The following TRAM2 variants were observed in gnomAD, a reference collection of about 807,000 sequenced individuals.
TRAM2 encodes translocating chain-associated membrane protein 2.
TRAM2 carries 12 observed loss-of-function variants against 51.0 expected under a neutral mutation model. The ratio of observed to expected loss-of-function variants is 0.24; its 90% CI spans 0.15 to 0.38. The LOEUF is 0.38. TRAM2 is among the 10% of genes least tolerant of loss of function. TRAM2 has a pLI of 1.00. For missense variants in TRAM2, 361 were observed against 462.0 expected, an observed-to-expected ratio of 0.78 and a Z score of 2.00; for synonymous variants, 175 against 179.4, an observed-to-expected ratio of 0.98 and a Z score of 0.20.
intron 1 of TRAM2, among the ~76,000 whole-genome samples, chr6:52,552,816 T>A (rs1228616823): frequency 6.6e-6 from 1 of 152,228 alleles, no homozygotes; most frequent in South Asian, 2.1e-4. Flanking sequence ...CCGTTCAACA[T>A]GCCAAACCTG....
Position 52,508,223 on chromosome 6 carries a change from T to G in TRAM2, c.555+11A>C. Reference sequence around the variant, plus strand: ...AATGGCCTCCAAGAAGGGAGAGAAGTGAGCACTCACCTTCCGTACCTTCTG... The same window carrying G: ...AATGGCCTCCAAGAAGGGAGAGAAGGGAGCACTCACCTTCCGTACCTTCTG... On this transcript the variant is annotated intron_variant, in intron 6 of 10. Coordinates refer to ENST00000182527, the MANE Select transcript of TRAM2 (RefSeq NM_012288.4). 5 of 1,613,360 alleles carry G rather than the reference T, an allele frequency of 3.1e-6. No individual in the cohort carries two copies. The highest frequency in any genetic ancestry group is 4.2e-6 in the Non-Finnish European group (5 of 1,179,600).
At chr6:52,521,135 C>G (rs1562478790) in intron 2 of TRAM2, among the ~76,000 whole-genome samples, 1 of 151,766 alleles carries the variant, frequency 6.6e-6, no homozygotes, top group Non-Finnish European at 1.5e-5. Flanking sequence ...GTCTTGAACT[C>G]TTGACCTAAG....
rs545624089 is a variant in TRAM2 at position 52,519,737 on chromosome 6, C to T, written c.185-3000G>A. Among the ~76,000 whole-genome samples, 3 of 151,778 alleles carry T rather than the reference C, an allele frequency of 2.0e-5. No homozygotes were observed. The South Asian group carries it at 6.2e-4, about 32-fold the overall frequency. Reference sequence around the variant, plus strand: ...ACAACAGCCAAAAAGATGGAAGCGACGCAGGTGTCCATGGATTGATGAATG... The same window carrying T: ...ACAACAGCCAAAAAGATGGAAGCGATGCAGGTGTCCATGGATTGATGAATG... On this transcript the variant is annotated intron_variant, in intron 2 of 10. Transcript: ENST00000182527.
rs776475586 is a variant in TRAM2, at chr6:52,504,548, G to A, written c.1039+43C>T. On this transcript the variant is annotated intron_variant, in intron 10 of 10. Transcript: ENST00000182527. ...TGGCTCCTCCCACCCATCCCAGACA[G>A]ACTTCCCTGGCTCCACTCTCTGCCA... 12 of 1,611,536 alleles carry A rather than the reference G, an allele frequency of 7.4e-6. No homozygotes were observed. The South Asian group carries it at 1.2e-4, about 16-fold the overall frequency.
At chr6:52,507,773 C>G in intron 6 of TRAM2, 150 bp from the exon 7 acceptor site, 1 of 684,058 alleles carries the variant, frequency 1.5e-6, no homozygotes, top group South Asian at 1.9e-5. Flanking sequence ...CACAGTCCCA[C>G]TGCACCAGGC....
At chr6:52,520,240 C>T (rs933014808) in intron 2 of TRAM2, among the ~76,000 whole-genome samples, 1 of 152,162 alleles carries the variant, frequency 6.6e-6, no homozygotes, top group African/African-American at 2.4e-5. Context: ...GGTTGGGGAC[C>T]TGCAGAGGTG....
At chr6:52,521,607 G>A (rs1168782388) in intron 2 of TRAM2, among the ~76,000 whole-genome samples, 1 of 151,930 alleles carries the variant, frequency 6.6e-6, no homozygotes, top group South Asian at 2.1e-4. Context: ...TGAGGCAGGA[G>A]AATGGCGTGA....
intron 1 of TRAM2, among the ~76,000 whole-genome samples, chr6:52,567,156 G>A (rs1156492182): frequency 2.0e-5 from 3 of 152,214 alleles, no homozygotes; most frequent in African/African-American, 7.2e-5. Flanking sequence ...CCAACTGGTA[G>A]GGCTGAGAAA....
intron 1 of TRAM2, among the ~76,000 whole-genome samples, chr6:52,547,150 G>A (rs1767218097): frequency 6.6e-6 from 1 of 152,204 alleles, no homozygotes; most frequent in Non-Finnish European, 1.5e-5. Context: ...CTAGAGAGGA[G>A]TGGACAGTCA....
chr6:52,500,039 T>TA lies in TRAM2; in HGVS notation c.*3157_*3158insT, dbSNP rs1766176957. 1 of 152,280 alleles carries TA rather than the reference T, an allele frequency of 6.6e-6. No individual in the cohort carries two copies. Among genetic ancestry groups the TA allele is most frequent in the Non-Finnish European group, 1.5e-5 (1 of 68,126 alleles). 9.4% of individuals were successfully genotyped at this position (152,280 alleles called of 1,614,324 possible). Reference sequence around the variant, plus strand: ...GGGAGCGGGTAGCACAGATCCTTGGTCCACCAGCGCCACCTCCCTCTCCTC... The same window carrying TA: ...GGGAGCGGGTAGCACAGATCCTTGGTACCACCAGCGCCACCTCCCTCTCCTC... On this transcript the variant is annotated 3_prime_UTR_variant, in exon 11 of 11. Transcript: ENST00000182527.
intron 2 of TRAM2, among the ~76,000 whole-genome samples, chr6:52,528,971 A>C (rs1581879650): frequency 6.7e-6 from 1 of 149,470 alleles, no homozygotes; most frequent in Non-Finnish European, 1.5e-5. Flanking sequence ...GCTCACTGCA[A>C]CCTCCGCCTC....
chr6:52,535,686 GA>G (rs3215574), intron 2 of TRAM2, 96 bp downstream of exon 2: 181,540 of 893,044 alleles, frequency 0.2, 5,573 homozygotes, highest in East Asian at 0.44. Flanking sequence ...CGTCATGGGG[GA>G]AAAAAAAAAA....
chr6:52,542,400 C>T lies in TRAM2; in HGVS notation c.121-6554G>A, dbSNP rs1465840253. 5.3e-5 allele frequency among the ~76,000 whole-genome samples: 8 copies of T among 151,808 alleles called. No homozygotes were observed. In the South Asian group the frequency reaches 1.0e-3, roughly 20 times the overall value. On this transcript the variant is annotated intron_variant, in intron 1 of 10. Coordinates refer to ENST00000182527, the MANE Select transcript of TRAM2 (RefSeq NM_012288.4). ...GTGGGTTTGCAGCCCCTCCACTGCT[C>T]GATAAAAGGCAGATACAGCTGAAAC... is the stretch of plus-strand genomic sequence containing the variant.
At position 52,516,292 on chromosome 6, in the gene TRAM2, C is replaced by G. The variant is rs918035798; in HGVS notation, c.295-170G>C. On this transcript the variant is annotated intron_variant, in intron 3 of 10. Transcript: ENST00000182527. The stretch of plus-strand genomic sequence containing the variant: ...CTACTGCGTGCATACAGTGCTTGGT[C>G]TAAGGCAAGCATTTTGAGAAAGTGG... 8 of 639,744 alleles carry G rather than the reference C, an allele frequency of 1.3e-5. No individual in the cohort carries two copies. In the African/African-American group the frequency reaches 1.3e-4, roughly 10 times the overall value. The allele number at this position is 639,744 out of a possible 1,614,324, so 39.6% of individuals were successfully genotyped here.
At chr6:52,555,983 T>A (rs772783825) in intron 1 of TRAM2, among the ~76,000 whole-genome samples, 2 of 152,190 alleles carry the variant, frequency 1.3e-5, no homozygotes, top group Non-Finnish European at 2.9e-5. Flanking sequence ...TTTTTAAACA[T>A]GTTATGATGG....
chr6:52,552,266 C>G (rs1767323277), intron 1 of TRAM2, among the ~76,000 whole-genome samples: 1 of 152,240 alleles, frequency 6.6e-6, no homozygotes, highest in Admixed American at 6.5e-5. Flanking sequence ...AGCCCTGGGA[C>G]AGGACCAACA....
In TRAM2 at chr6:52,498,816, C is replaced by T. The variant is rs927832222; in HGVS notation, c.*4381G>A. ...GAGGTATGGTGTCCTTGGCTGCCGT[C>T]GAGCCCTGGCAACTGGGGGCTGGCC... is the stretch of plus-strand genomic sequence containing the variant. On this transcript the variant is annotated 3_prime_UTR_variant, in exon 11 of 11. Transcript: ENST00000182527. The T allele has an allele frequency of 2.0e-4, 30 of 152,712 alleles. No individual in the cohort carries two copies. Among genetic ancestry groups the T allele is most frequent in the South Asian group, 6.2e-4 (3 of 4,822 alleles). 9.5% of individuals were successfully genotyped at this position (152,712 alleles called of 1,614,324 possible).
At position 52,516,102 on chromosome 6, in the gene TRAM2, A is replaced by G; in HGVS notation, c.315T>C (p.His105=). The change falls in exon 4 of 11, where the codon CAT becomes CAC. Residue 105 remains histidine, a synonymous_variant. Coordinates refer to ENST00000182527, the MANE Select transcript of TRAM2 (RefSeq NM_012288.4). Reference sequence around the variant, plus strand: ...ACTTGCTGTGTTTGACTTTGGAGAGATGAAGCCGTTTGCTGATTTTCTAAA... The same window carrying G: ...ACTTGCTGTGTTTGACTTTGGAGAGGTGAAGCCGTTTGCTGATTTTCTAAA... ...YILDKISKRL[H]LSKVKHSKFN... The G allele has an allele frequency of 6.2e-7, 1 of 1,614,184 alleles. No homozygotes were observed. Among genetic ancestry groups the G allele is most frequent in the Non-Finnish European group, 8.5e-7 (1 of 1,180,028 alleles).
At chr6:52,547,639 C>G (rs762023410) in intron 1 of TRAM2, among the ~76,000 whole-genome samples, 3 of 152,200 alleles carry the variant, frequency 2.0e-5, no homozygotes, top group Non-Finnish European at 4.4e-5. Flanking sequence ...TGTGACTTTA[C>G]TTTCATTCAT....
Sources: allele counts gnomAD v4.1 joint callset (sites outside exome capture counted in the v4.1 genomes callset), GRCh38; gene constraint gnomAD v4.1.1; transcripts MANE v1.5; gene names NCBI Gene and HGNC (gene_info 2026-07-23, HGNC 2026-07-21).